ALDH7A1: variants seen among roughly 807,000 people sequenced by gnomAD.
The protein encoded by ALDH7A1 is alpha-aminoadipic semialdehyde dehydrogenase.
Under a neutral mutation model 79.9 loss-of-function variants are expected in ALDH7A1, and 63 were observed. The observed-to-expected ratio is 0.79, with a 90% CI of 0.64 to 0.97. The LOEUF (loss-of-function observed/expected upper bound fraction) is 0.97, where lower values mean the gene tolerates loss of function less well. Among genes scored for constraint, ALDH7A1 ranks in the 50% least tolerant of loss-of-function variants. The probability of loss-of-function intolerance (pLI) is 0.00; values close to 1 mark genes in which losing one functional copy is unlikely to be tolerated. For synonymous variants in ALDH7A1, 240 were observed against 231.2 expected, an observed-to-expected ratio of 1.04 and a Z score of -0.34; for missense variants, 627 against 665.2, an observed-to-expected ratio of 0.94 and a Z score of 0.63.
chr5:126,548,274 G>A (rs531633629), intron 16 of ALDH7A1, among the ~76,000 whole-genome samples: 13 of 152,132 alleles, frequency 8.5e-5, no homozygotes, highest in East Asian at 5.8e-4. Flanking sequence ...TCAGACTCAC[G>A]AGTAGCTGGG....
At chr5:126,583,521 A>T (rs998737434) in intron 4 of ALDH7A1, among the ~76,000 whole-genome samples, 4 of 149,648 alleles carry the variant, frequency 2.7e-5, no homozygotes, top group Non-Finnish European at 4.4e-5. Context: ...AAAATATAAT[A>T]TAATATAAAT....
At chr5:126,566,326 TTC>T (rs1344287113) in intron 9 of ALDH7A1, among the ~76,000 whole-genome samples, 2 of 152,252 alleles carry the variant, frequency 1.3e-5, no homozygotes, top group Non-Finnish European at 2.9e-5. Context: ...AAGTATTTTA[TTC>T]TTTTTGACGC....
intron 7 of ALDH7A1, among the ~76,000 whole-genome samples, chr5:126,573,188 C>T (rs1026800336): frequency 2.0e-5 from 3 of 147,838 alleles, no homozygotes; most frequent in Non-Finnish European, 3.0e-5. Flanking sequence ...CCAGCTACTT[C>T]GTAACAATTA....
At chr5:126,574,574 AC>A (rs1234582434) in intron 7 of ALDH7A1, among the ~76,000 whole-genome samples, 1 of 150,026 alleles carries the variant, frequency 6.7e-6, no homozygotes, top group Non-Finnish European at 1.5e-5. Context: ...GTGCACCTGT[AC>A]TCCCAGCTAC....
chr5:126,563,589 C>G (rs1307236369), intron 9 of ALDH7A1, among the ~76,000 whole-genome samples: 2 of 152,058 alleles, frequency 1.3e-5, no homozygotes, highest in Non-Finnish European at 2.9e-5. Flanking sequence ...CTCCTGGGTT[C>G]AAGTGATTCT....
chr5:126,546,262 G>T, intron 17 of ALDH7A1, 62 bp downstream of exon 17: 1 of 1,440,522 alleles, frequency 6.9e-7, no homozygotes, highest in Non-Finnish European at 9.8e-7. Context: ...CAGTAGGAAA[G>T]TGTAAAAGCC....
chr5:126,555,903 C>T (rs755059613), intron 12 of ALDH7A1, 28 bp downstream of exon 12: 29 of 1,555,548 alleles, frequency 1.9e-5, no homozygotes, highest in South Asian at 1.4e-4. Context: ...AAAAAGGGAT[C>T]GCTTTGAAAG....
intron 16 of ALDH7A1, chr5:126,549,546 G>A (rs566081556): frequency 4.9e-5 from 10 of 205,108 alleles, no homozygotes. Flanking sequence ...GTGAAAAAGA[G>A]TATGTTTAAC....
intron 7 of ALDH7A1, 119 bp downstream of exon 7, chr5:126,575,301 A>G (rs887566201): frequency 3.4e-6 from 3 of 884,736 alleles, no homozygotes; most frequent in African/African-American, 3.4e-5. Context: ...GCAAAGGAGA[A>G]AGAGGTTATC....
intron 10 of ALDH7A1, among the ~76,000 whole-genome samples, chr5:126,560,529 A>G (rs1183899804): frequency 6.6e-6 from 1 of 152,152 alleles, no homozygotes; most frequent in African/African-American, 2.4e-5. Flanking sequence ...TATCTTACAC[A>G]TACTTCTTAT....
chr5:126,545,000 C>A lies in ALDH7A1; in HGVS notation c.1585G>T (p.Asp529Tyr). The A allele has an allele frequency of 6.2e-7, 1 of 1,609,992 alleles. No homozygotes were observed. The highest frequency in any genetic ancestry group is 8.5e-7 in the Non-Finnish European group (1 of 1,176,392). The change falls in exon 18 of 18, where the codon GAC (aspartate) becomes TAC (tyrosine). Residue 529 changes from aspartate (D) to tyrosine (Y), a missense_variant. Transcript: ENST00000409134. Reference sequence around the variant, plus strand: ...TTGATTCCTTGGGCCAGAGGAAGGTCTTTACTGTAGTTGATAGTACTAGTG... The same window carrying A: ...TTGATTCCTTGGGCCAGAGGAAGGTATTTACTGTAGTTGATAGTACTAGTG... ...RSTCTINYSKDLPLAQGIKFQ is the reference protein window; with the variant it reads ...RSTCTINYSKYLPLAQGIKFQ
At chr5:126,585,747 G>C (rs934690639) in intron 3 of ALDH7A1, among the ~76,000 whole-genome samples, 3 of 152,074 alleles carry the variant, frequency 2.0e-5, no homozygotes, top group African/African-American at 7.2e-5. Flanking sequence ...ATTTTTAGCA[G>C]AGATGGGGTT....
Position 126,550,294 on chromosome 5 carries a change from C to G in ALDH7A1, c.1318-1G>C, listed in dbSNP as rs1258470290. The G allele has an allele frequency of 3.1e-6, 5 of 1,602,128 alleles. No individual in the cohort carries two copies. The highest frequency in any genetic ancestry group is 1.1e-5 in the South Asian group (1 of 90,838). On this transcript the variant is annotated splice_acceptor_variant, in intron 14 of 17. Transcript: ENST00000409134. LOFTEE classifies it high-confidence loss of function. ...TCCATGCAAAGACCTCTTCTTCATT[C>G]TAAAAGGAGAGACATTGGAAGCTGT...
chr5:126,545,783 C>G (rs1211736070), intron 17 of ALDH7A1, among the ~76,000 whole-genome samples: 1 of 149,042 alleles, frequency 6.7e-6, no homozygotes, highest in Non-Finnish European at 1.5e-5. Flanking sequence ...CAGAGCAAGA[C>G]TCCATCTCAA....
chr5:126,552,945 T>C (rs755660436), intron 13 of ALDH7A1, among the ~76,000 whole-genome samples: 1 of 151,846 alleles, frequency 6.6e-6, no homozygotes, highest in Admixed American at 6.6e-5. Flanking sequence ...TCTCACTATG[T>C]TGTCCAGGTG....
intron 14 of ALDH7A1, among the ~76,000 whole-genome samples, chr5:126,551,108 T>G (rs1749983054): frequency 6.6e-6 from 1 of 152,124 alleles, no homozygotes; most frequent in Non-Finnish European, 1.5e-5. Context: ...TTAATTTTTT[T>G]GTACAGACAA....
chr5:126,561,802 G>A (rs573398442), intron 9 of ALDH7A1: 2 of 152,134 alleles, frequency 1.3e-5, no homozygotes, highest in African/African-American at 4.8e-5. Flanking sequence ...ACAGAGCCTG[G>A]GCAACATGGC....
intron 5 of ALDH7A1, among the ~76,000 whole-genome samples, chr5:126,579,760 C>G (rs1057234741): frequency 2.6e-5 from 4 of 152,128 alleles, no homozygotes; most frequent in African/African-American, 9.7e-5. Context: ...GAGTTCTAGA[C>G]CAGCCTAGGC....
At chr5:126,565,120 T>C (rs1454106998) in intron 9 of ALDH7A1, among the ~76,000 whole-genome samples, 2 of 152,188 alleles carry the variant, frequency 1.3e-5, no homozygotes, top group African/African-American at 2.4e-5. Flanking sequence ...CTAGGCCTGG[T>C]GCGGTGGCTT....
Sources: allele counts gnomAD v4.1 joint callset (sites outside exome capture counted in the v4.1 genomes callset), GRCh38; gene constraint gnomAD v4.1.1; transcripts MANE v1.5; gene names NCBI Gene and HGNC (gene_info 2026-07-23, HGNC 2026-07-21).